EGLN1: variants seen among roughly 807,000 people sequenced by gnomAD.
EGLN1 encodes the protein egl nine homolog 1.
EGLN1 carries 17 observed loss-of-function variants against 38.3 expected under a neutral mutation model. The ratio of observed to expected loss-of-function variants is 0.44; its 90% CI spans 0.30 to 0.67. The LOEUF (loss-of-function observed/expected upper bound fraction) is 0.67. Ranked by LOEUF, EGLN1 falls within the 30% of genes least tolerant of loss-of-function variation. EGLN1 has a pLI of 0.08. For missense variants in EGLN1, 477 were observed against 603.3 expected (o/e 0.79, Z 2.19); for synonymous variants, 283 against 257.5 (o/e 1.10, Z -0.95).
intron 1 of EGLN1, among the ~76,000 whole-genome samples, chr1:231,413,678 T>C (rs1479691811): frequency 2.0e-5 from 3 of 152,146 alleles, no homozygotes; most frequent in African/African-American, 2.4e-5. Flanking sequence ...TTTTTGTTGT[T>C]ATTCAGGACA....
At chr1:231,381,701 A>G (rs543052299) in intron 1 of EGLN1, among the ~76,000 whole-genome samples, 14 of 152,348 alleles carry the variant, frequency 9.2e-5, no homozygotes, top group Non-Finnish European at 1.9e-4. Context: ...TGCTTTACAA[A>G]TAAGAAATTC....
intron 1 of EGLN1, among the ~76,000 whole-genome samples, chr1:231,388,148 G>A (rs911788001): frequency 6.6e-6 from 1 of 152,114 alleles, no homozygotes; most frequent in African/African-American, 2.4e-5. Flanking sequence ...AGTGATTGAT[G>A]GGCCATAAAA....
intron 1 of EGLN1, among the ~76,000 whole-genome samples, chr1:231,405,977 A>ACCCCCCC (rs1221403685): frequency 6.9e-5 from 2 of 29,138 alleles, no homozygotes; most frequent in Non-Finnish European, 1.3e-4. Context: ...AGCACCCCCC[A>ACCCCCCC]CCCCCCACCC....
intron 1 of EGLN1, among the ~76,000 whole-genome samples, chr1:231,390,898 A>G (rs1688349321): frequency 6.6e-6 from 1 of 151,080 alleles, no homozygotes; most frequent in Non-Finnish European, 1.5e-5. Context: ...CCCAGGCTGG[A>G]GATCAGTGGC....
chr1:231,370,835 C>T, intron 2 of EGLN1, 137 bp from the exon 3 acceptor site: 1 of 1,008,192 alleles, frequency 9.9e-7, no homozygotes, highest in Non-Finnish European at 1.5e-6. Context: ...TGAAGATGAG[C>T]TGCAATTTTA....
chr1:231,395,399 C>T (rs200666783), intron 1 of EGLN1, among the ~76,000 whole-genome samples: 1 of 130,714 alleles, frequency 7.7e-6, no homozygotes, highest in Admixed American at 7.9e-5. Context: ...TAGTTGCCTC[C>T]GTTAAGCAGT....
At chr1:231,402,539 A>G (rs1417934163) in intron 1 of EGLN1, among the ~76,000 whole-genome samples, 1 of 151,312 alleles carries the variant, frequency 6.6e-6, no homozygotes, top group African/African-American at 2.4e-5. Flanking sequence ...GGTTCAAGCC[A>G]TTCTCCTGCT....
At chr1:231,416,457 T>G (rs1353246460) in intron 1 of EGLN1, among the ~76,000 whole-genome samples, 2 of 150,612 alleles carry the variant, frequency 1.3e-5, no homozygotes, top group South Asian at 4.2e-4. Flanking sequence ...TTTTTTGAGA[T>G]AGGGTTTTGT....
intron 1 of EGLN1, among the ~76,000 whole-genome samples, chr1:231,402,309 G>T (rs1360939065): frequency 1.5e-5 from 2 of 129,430 alleles, no homozygotes; most frequent in African/African-American, 2.6e-5. Flanking sequence ...TGTTGACATG[G>T]TCTAATTTAT....
chr1:231,372,016 C>T (rs1256647333), intron 2 of EGLN1, among the ~76,000 whole-genome samples: 3 of 152,146 alleles, frequency 2.0e-5, no homozygotes, highest in Admixed American at 6.5e-5. Flanking sequence ...TCTAAAGAAC[C>T]TCCAAACTGA....
intron 1 of EGLN1, among the ~76,000 whole-genome samples, chr1:231,418,343 C>T (rs1043460309): frequency 6.6e-6 from 1 of 152,198 alleles, no homozygotes; most frequent in African/African-American, 2.4e-5. Context: ...CCACTTTCAA[C>T]AAAATATATG....
intron 1 of EGLN1, among the ~76,000 whole-genome samples, chr1:231,378,305 A>G (rs1312559573): frequency 1.3e-5 from 2 of 152,234 alleles, no homozygotes; most frequent in Admixed American, 1.3e-4. Context: ...ATCCACCACT[A>G]TATAATTCTG....
At chr1:231,403,447 C>T (rs1688712047) in intron 1 of EGLN1, among the ~76,000 whole-genome samples, 1 of 151,984 alleles carries the variant, frequency 6.6e-6, no homozygotes, top group Admixed American at 6.6e-5. Flanking sequence ...AAGTCATAAA[C>T]AAAGCAGCAG....
At chr1:231,371,262 C>T (rs560175614) in intron 2 of EGLN1, among the ~76,000 whole-genome samples, 1 of 152,220 alleles carries the variant, frequency 6.6e-6, no homozygotes, top group Non-Finnish European at 1.5e-5. Context: ...TAAAATGATG[C>T]TTGAAAGCTT....
intron 1 of EGLN1, among the ~76,000 whole-genome samples, chr1:231,395,762 G>A (rs1264011229): frequency 2.6e-5 from 4 of 152,166 alleles, no homozygotes; most frequent in South Asian, 2.1e-4. Context: ...CTGTCAGAAC[G>A]GCAGCATCCC....
At chr1:231,410,487 A>C (rs1002675812) in intron 1 of EGLN1, among the ~76,000 whole-genome samples, 8 of 152,240 alleles carry the variant, frequency 5.3e-5, no homozygotes, top group Non-Finnish European at 8.8e-5. Context: ...AGATGTAGCT[A>C]GACTGTGCCC....
chr1:231,374,448 C>CACCT (rs1687906266), intron 1 of EGLN1, among the ~76,000 whole-genome samples: 1 of 152,148 alleles, frequency 6.6e-6, no homozygotes, highest in Non-Finnish European at 1.5e-5. Flanking sequence ...CACCTCAGAA[C>CACCT]ACCTACTTTA....
Position 231,421,071 on chromosome 1 carries a change from A to G in EGLN1, c.818T>C (p.Met273Thr). ...GCGTATCAGGTCGTCCATGCTGCTC[A>G]TGAGCAGCCCAATGGTTTCGCAGCC... ...EPGCETIGLL[M>T]SSMDDLIRHC... Residue 273 changes from methionine to threonine, a missense_variant, in exon 1 of 5, where the codon ATG becomes ACG. Transcript: ENST00000366641. This position sits in a 1 kb window ranked among gnomAD's most constrained non-coding sequence, Gnocchi z 5.5. 1 of 1,614,092 alleles carries G rather than the reference A, an allele frequency of 6.2e-7. No homozygotes were observed. Among genetic ancestry groups the G allele is most frequent in the Non-Finnish European group, 8.5e-7 (1 of 1,180,024 alleles).
rs926544551 is a variant in EGLN1 at position 231,363,829 on chromosome 1, C to G, written c.*2582G>C. ...ACTTGAGAGCTCTTTCATAATGAAA[C>G]ACTGCTTTTCAAATTACATGACTTT... is the stretch of plus-strand genomic sequence containing the variant. On this transcript the variant is annotated 3_prime_UTR_variant, in exon 5 of 5. Coordinates refer to ENST00000366641, the MANE Select transcript of EGLN1 (RefSeq NM_022051.3). The G allele has an allele frequency of 2.6e-5, 4 of 152,162 alleles. No homozygotes were observed. The highest frequency in any genetic ancestry group is 2.6e-4 in the Admixed American group (4 of 15,282). The allele number at this position is 152,162 out of a possible 1,614,324, so 9.4% of individuals were successfully genotyped here.
Sources: gnomAD v4.1 joint callset for allele counts (sites outside exome capture counted in the v4.1 genomes callset) on GRCh38, gnomAD v4.1.1 for gene constraint, Gnocchi (gnomAD v3.1) non-coding constraint, MANE v1.5 for transcripts, NCBI Gene and HGNC (gene_info 2026-07-23, HGNC 2026-07-21) for gene names.